Variants in TMEM132C observed in about 807,000 individuals in gnomAD.
TMEM132C encodes the protein protein phosphatase 1, regulatory subunit 152.
A neutral mutation model predicts 61.4 loss-of-function variants in TMEM132C; 29 were observed. The ratio of observed to expected loss-of-function variants is 0.47; its 90% CI spans 0.35 to 0.64. The LOEUF (loss-of-function observed/expected upper bound fraction) is 0.64, where lower values mean the gene tolerates loss of function less well. Among genes scored for constraint, TMEM132C ranks in the 30% least tolerant of loss-of-function variants. TMEM132C has a pLI of 0.00. For synonymous variants in TMEM132C, 656 were observed against 633.1 expected (o/e 1.04, Z -0.54); for missense variants, 1,408 against 1,476.9 (o/e 0.95, Z 0.76).
intron 3 of TMEM132C, among the ~76,000 whole-genome samples, chr12:128,553,721 G>A (rs1874245591): frequency 6.6e-6 from 1 of 152,206 alleles, no homozygotes; most frequent in Admixed American, 6.5e-5. Context: ...ACAGGGAGCT[G>A]CTGTGAGGGA....
intron 4 of TMEM132C, among the ~76,000 whole-genome samples, chr12:128,667,791 CA>C (rs1213885574): frequency 6.6e-6 from 1 of 152,150 alleles, no homozygotes; most frequent in Non-Finnish European, 1.5e-5. Flanking sequence ...TAGTATCCTA[CA>C]AAATCAAACA....
At chr12:128,270,476 G>T (rs1870472048) in intron 1 of TMEM132C, among the ~76,000 whole-genome samples, 1 of 152,108 alleles carries the variant, frequency 6.6e-6, no homozygotes, top group African/African-American at 2.4e-5. Context: ...TGTTGGCCAC[G>T]GAATGAATTA....
chr12:128,446,146 A>C (rs1163021174), intron 2 of TMEM132C, among the ~76,000 whole-genome samples: 2 of 152,226 alleles, frequency 1.3e-5, no homozygotes, highest in African/African-American at 4.8e-5. Context: ...ATTTTCAATC[A>C]GCGTGAATGC....
intron 3 of TMEM132C, among the ~76,000 whole-genome samples, chr12:128,602,565 C>T (rs570306007): frequency 1.1e-4 from 16 of 152,330 alleles, no homozygotes; most frequent in East Asian, 9.7e-4. Context: ...ACGATTCCAT[C>T]GTTTAGCCCT....
intron 1 of TMEM132C, among the ~76,000 whole-genome samples, chr12:128,399,259 G>A (rs562538971): frequency 6.6e-6 from 1 of 152,250 alleles, no homozygotes; most frequent in African/African-American, 2.4e-5. Context: ...TTAAAAATAA[G>A]CTCTTTATTT....
chr12:128,648,753 G>A (rs529441155), intron 4 of TMEM132C, among the ~76,000 whole-genome samples: 112 of 145,658 alleles, frequency 7.7e-4, no homozygotes, highest in African/African-American at 2.2e-3. Context: ...GTCCATTGGC[G>A]TTGGATGTGA....
chr12:128,467,631 T>C (rs143827974), intron 2 of TMEM132C, among the ~76,000 whole-genome samples: 2 of 152,224 alleles, frequency 1.3e-5, no homozygotes, highest in African/African-American at 2.4e-5. Flanking sequence ...AGATTTTGGA[T>C]CTTAACACAG....
At chr12:128,463,983 C>T (rs777341894) in intron 2 of TMEM132C, among the ~76,000 whole-genome samples, 3 of 152,160 alleles carry the variant, frequency 2.0e-5, no homozygotes, top group Non-Finnish European at 4.4e-5. Flanking sequence ...CTGGCATTTA[C>T]TTTTTCCAGC....
intron 1 of TMEM132C, among the ~76,000 whole-genome samples, chr12:128,270,150 C>T (rs1162559626): frequency 6.6e-6 from 1 of 152,172 alleles, no homozygotes; most frequent in Non-Finnish European, 1.5e-5. Flanking sequence ...CTGAGATGCC[C>T]TCGGAAGTTT....
chr12:128,669,853 A>G (rs1440727334), intron 5 of TMEM132C, among the ~76,000 whole-genome samples: 1 of 152,236 alleles, frequency 6.6e-6, no homozygotes, highest in African/African-American at 2.4e-5. Context: ...TAAAATACAT[A>G]TACATTATGG....
chr12:128,472,304 A>T (rs1382429727), intron 2 of TMEM132C, among the ~76,000 whole-genome samples: 1 of 152,176 alleles, frequency 6.6e-6, no homozygotes, highest in African/African-American at 2.4e-5. Flanking sequence ...AAGCAGTATA[A>T]TCTCCCCACC....
At chr12:128,663,606 C>T (rs1954416285) in intron 4 of TMEM132C, among the ~76,000 whole-genome samples, 2 of 152,216 alleles carry the variant, frequency 1.3e-5, no homozygotes, top group African/African-American at 4.8e-5. Flanking sequence ...TTCACACTTC[C>T]GAGTCTTTTT....
Position 128,669,452 on chromosome 12 carries a change from A to G in TMEM132C, c.1341A>G (p.Gly447=), listed in dbSNP as rs1954509019. The change falls in exon 5 of 9, where the codon GGA becomes GGG. Residue 447 remains glycine, a synonymous_variant. Transcript: ENST00000435159. ...TTCTGAACACCGCCGTACTCACAGG[A>G]AAGACAGTTGCCATGCCTATCAAGG... ...TEILNTAVLT[G]KTVAMPIKVV... is the part of the protein sequence containing the mutation. 1 of 1,551,548 alleles carries G rather than the reference A, an allele frequency of 6.4e-7. No individual in the cohort carries two copies. The highest frequency in any genetic ancestry group is 8.7e-7 in the Non-Finnish European group (1 of 1,146,986).
At chr12:128,632,076 A>AT (rs1954069372) in intron 4 of TMEM132C, among the ~76,000 whole-genome samples, 2 of 152,268 alleles carry the variant, frequency 1.3e-5, no homozygotes, top group South Asian at 4.1e-4. Flanking sequence ...GGCTGCTACT[A>AT]TTTTAGTTGT....
At position 128,388,652 on chromosome 12, in the gene TMEM132C, C is replaced by A. The variant is rs182563765; in HGVS notation, c.86-26080C>A. 1.9e-3 allele frequency among the ~76,000 whole-genome samples: 284 copies of A among 152,350 alleles called. 4 individuals carry two copies. Among genetic ancestry groups the A allele is most frequent in the African/African-American group, 6.6e-3 (274 of 41,596 alleles). On this transcript the variant is annotated intron_variant, in intron 1 of 8. Coordinates refer to ENST00000435159, the MANE Select transcript of TMEM132C (RefSeq NM_001136103.3). ...CATGTGTTCCGGGTGAGAGAGGGCC[C>A]CGCAGGCCCTGCCATCACCTTGCTG...
chr12:128,554,690 A>G (rs7953585), intron 3 of TMEM132C, among the ~76,000 whole-genome samples: 6,096 of 152,258 alleles, frequency 0.04, 440 homozygotes, highest in African/African-American at 0.14. Context: ...ACTTAGAAAG[A>G]AGGCCAGCTG....
chr12:128,285,672 C>T (rs891439233), intron 1 of TMEM132C, among the ~76,000 whole-genome samples: 3 of 148,410 alleles, frequency 2.0e-5, no homozygotes, highest in Non-Finnish European at 4.5e-5. Context: ...TCCCTCCCCT[C>T]GCCCCCATCT....
At chr12:128,639,210 T>A (rs933247801) in intron 4 of TMEM132C, among the ~76,000 whole-genome samples, 1 of 150,190 alleles carries the variant, frequency 6.7e-6, no homozygotes, top group Non-Finnish European at 1.5e-5. Context: ...GTGATGATGA[T>A]GGTGATGATA....
chr12:128,296,511 G>C lies in TMEM132C; in HGVS notation c.85+29024G>C, dbSNP rs369431199. Among the ~76,000 whole-genome samples, 9 of 152,246 alleles carry C rather than the reference G, an allele frequency of 5.9e-5. No homozygotes were observed. In the South Asian group the frequency reaches 6.2e-4, roughly 11 times the overall value. On this transcript the variant is annotated intron_variant, in intron 1 of 8. Transcript: ENST00000435159. Reference sequence around the variant, plus strand: ...AGAAGGAGTGGCCAGCTTTACAGAGGCTTCTCTCAAAAACAAAGGAGGGCC... The same window carrying C: ...AGAAGGAGTGGCCAGCTTTACAGAGCCTTCTCTCAAAAACAAAGGAGGGCC...
Sources: gnomAD v4.1 joint callset for allele counts (sites outside exome capture counted in the v4.1 genomes callset) on GRCh38, gnomAD v4.1.1 for gene constraint, MANE v1.5 for transcripts, NCBI Gene and HGNC (gene_info 2026-07-23, HGNC 2026-07-21) for gene names.